The following CPNE4 variants were observed in gnomAD, a reference collection of about 807,000 sequenced individuals.
The protein encoded by CPNE4 is copine 4.
CPNE4 carries 25 observed loss-of-function variants against 67.9 expected under a neutral mutation model. The ratio of observed to expected loss-of-function variants is 0.37; its 90% CI spans 0.27 to 0.51. The LOEUF is 0.51. CPNE4 is among the 20% of genes least tolerant of loss of function. The pLI is 0.93. For synonymous variants in CPNE4, 242 were observed against 244.9 expected, an observed-to-expected ratio of 0.99 and a Z score of 0.11; for missense variants, 464 against 690.8, an observed-to-expected ratio of 0.67 and a Z score of 3.68.
At chr3:131,646,818 A>G (rs2079679772) in intron 7 of CPNE4, among the ~76,000 whole-genome samples, 2 of 152,250 alleles carry the variant, frequency 1.3e-5, no homozygotes, top group Admixed American at 6.5e-5. Context: ...GGATGAGGAC[A>G]AGCTCTGAAA....
intron 2 of CPNE4, among the ~76,000 whole-genome samples, chr3:131,864,191 T>A (rs1363594473): frequency 6.6e-6 from 1 of 151,272 alleles, no homozygotes; most frequent in Non-Finnish European, 1.5e-5. Flanking sequence ...CAATGCGGGC[T>A]CTTTTTTGGT....
chr3:131,914,396 G>GT (rs2089102930), intron 1 of CPNE4, among the ~76,000 whole-genome samples: 2 of 152,094 alleles, frequency 1.3e-5, no homozygotes, highest in South Asian at 4.2e-4. Context: ...CCTGGTGGCT[G>GT]TCCCTCCCCC....
At chr3:131,864,549 T>G (rs934121149) in intron 2 of CPNE4, among the ~76,000 whole-genome samples, 1 of 152,128 alleles carries the variant, frequency 6.6e-6, no homozygotes, top group Non-Finnish European at 1.5e-5. Context: ...ATTTTGCACA[T>G]TGATTTTGTA....
chr3:131,712,417 T>A (rs990120651), intron 3 of CPNE4, among the ~76,000 whole-genome samples: 1 of 152,216 alleles, frequency 6.6e-6, no homozygotes, highest in Non-Finnish European at 1.5e-5. Flanking sequence ...AATCCCCTGT[T>A]GGGACAGGTT....
chr3:131,745,955 C>T (rs776121475), intron 2 of CPNE4, among the ~76,000 whole-genome samples: 3 of 152,036 alleles, frequency 2.0e-5, no homozygotes, highest in Non-Finnish European at 4.4e-5. Context: ...TTATGTTAAA[C>T]CTGTTTATAA....
chr3:131,781,873 C>A (rs2083439284), intron 2 of CPNE4, among the ~76,000 whole-genome samples: 1 of 152,058 alleles, frequency 6.6e-6, no homozygotes, highest in African/African-American at 2.4e-5. Context: ...ACCTCACCAC[C>A]CAGGCCCTAC....
At chr3:131,772,225 G>A (rs1327607178) in intron 2 of CPNE4, among the ~76,000 whole-genome samples, 3 of 152,026 alleles carry the variant, frequency 2.0e-5, no homozygotes, top group African/African-American at 7.2e-5. Context: ...AGGCTACTTA[G>A]CCCATACCTA....
chr3:131,717,903 TTTCTTTC>T (rs2081759929), intron 3 of CPNE4, among the ~76,000 whole-genome samples: 5 of 121,616 alleles, frequency 4.1e-5, no homozygotes, highest in Non-Finnish European at 7.7e-5. Flanking sequence ...TCTTTCTTTC[TTTCTTTC>T]TTTCTTTCTT....
At chr3:131,660,441 T>C (rs1231174930) in intron 7 of CPNE4, among the ~76,000 whole-genome samples, 3 of 152,092 alleles carry the variant, frequency 2.0e-5, no homozygotes, top group Non-Finnish European at 4.4e-5. Context: ...GGGGATGGGA[T>C]ACCAGAATGG....
intron 1 of CPNE4, among the ~76,000 whole-genome samples, chr3:131,913,823 A>G (rs1204904605): frequency 1.3e-5 from 2 of 152,164 alleles, no homozygotes; most frequent in South Asian, 2.1e-4. Flanking sequence ...TGAATTCTCT[A>G]TATCTGTTTT....
chr3:131,581,094 A>G (rs949553666), intron 9 of CPNE4, among the ~76,000 whole-genome samples: 1 of 152,142 alleles, frequency 6.6e-6, no homozygotes, highest in African/African-American at 2.4e-5. Flanking sequence ...AATCACTTGA[A>G]CCTGGGTGGC....
At position 131,723,639 on chromosome 3, in the gene CPNE4, G is replaced by T; in HGVS notation, c.181-14C>A. 1 of 1,604,048 alleles carries T rather than the reference G, an allele frequency of 6.2e-7. No individual in the cohort carries two copies. The highest frequency in any genetic ancestry group is 8.5e-7 in the Non-Finnish European group (1 of 1,172,914). On this transcript the variant is annotated splice_polypyrimidine_tract_variant and intron_variant, in intron 2 of 15. Coordinates refer to ENST00000429747, the MANE Select transcript of CPNE4 (RefSeq NM_130808.3). ...AGTCCTGTCAACCTGCAAGGAGAAA[G>T]AGAAAACCTATCAGAGATAAGGATT...
chr3:131,643,987 C>T (rs757677412), intron 7 of CPNE4, among the ~76,000 whole-genome samples: 16 of 152,058 alleles, frequency 1.1e-4, no homozygotes, highest in Non-Finnish European at 1.3e-4. Flanking sequence ...CATAGCAGCG[C>T]GAGAGTGGAC....
chr3:132,003,381 T>A (rs369362565), intron 1 of CPNE4, among the ~76,000 whole-genome samples: 11 of 152,022 alleles, frequency 7.2e-5, no homozygotes, highest in Non-Finnish European at 1.3e-4. Context: ...AATCAGCTTT[T>A]CCACAAAGCC....
intron 2 of CPNE4, among the ~76,000 whole-genome samples, chr3:131,782,695 AG>A (rs1416314443): frequency 2.0e-5 from 3 of 152,164 alleles, no homozygotes; most frequent in Non-Finnish European, 4.4e-5. Flanking sequence ...GATGATGAAT[AG>A]AAATGTACAT....
At chr3:131,979,614 G>C (rs1255102189) in intron 1 of CPNE4, among the ~76,000 whole-genome samples, 1 of 152,140 alleles carries the variant, frequency 6.6e-6, no homozygotes, top group African/African-American at 2.4e-5. Context: ...CAGATGGTTG[G>C]TTCGTGACTT....
intron 2 of CPNE4, among the ~76,000 whole-genome samples, chr3:131,888,137 G>A (rs940087787): frequency 2.0e-5 from 3 of 152,202 alleles, no homozygotes; most frequent in Non-Finnish European, 4.4e-5. Context: ...CAGAATCCAT[G>A]AGCTTAATAA....
At chr3:132,030,989 A>G (rs1469521756) in intron 1 of CPNE4, among the ~76,000 whole-genome samples, 2 of 152,238 alleles carry the variant, frequency 1.3e-5, no homozygotes, top group East Asian at 1.9e-4. Flanking sequence ...TCACATAAAT[A>G]CTTTATCCAA....
intron 2 of CPNE4, among the ~76,000 whole-genome samples, chr3:131,777,863 G>C (rs1401797952): frequency 1.3e-5 from 2 of 152,048 alleles, no homozygotes; most frequent in Admixed American, 6.6e-5. Flanking sequence ...AGCAGGCCTG[G>C]AGGTGAAATA....
Sources: gnomAD v4.1 joint callset for allele counts (sites outside exome capture counted in the v4.1 genomes callset) on GRCh38, gnomAD v4.1.1 for gene constraint, MANE v1.5 for transcripts, NCBI Gene and HGNC (gene_info 2026-07-23, HGNC 2026-07-21) for gene names.